LRRC7: variants seen among roughly 807,000 people sequenced by gnomAD.
LRRC7 encodes the protein leucine rich repeat containing 7.
A neutral mutation model predicts 175.7 loss-of-function variants in LRRC7; 23 were observed. That is an observed-to-expected ratio of 0.13 (90% CI 0.09 to 0.19). LRRC7 has a LOEUF of 0.19. Ranked by LOEUF, LRRC7 falls within the 10% of genes least tolerant of loss-of-function variation. The probability of loss-of-function intolerance (pLI) is 1.00; values close to 1 mark genes in which losing one functional copy is unlikely to be tolerated. For synonymous variants in LRRC7, 685 were observed against 680.9 expected (o/e 1.01, Z -0.09); for missense variants, 1,354 against 1,904.7 (o/e 0.71, Z 5.38).
At chr1:69,731,209 A>G (rs1354000631) in intron 2 of LRRC7, among the ~76,000 whole-genome samples, 2 of 152,064 alleles carry the variant, frequency 1.3e-5, no homozygotes, top group East Asian at 1.9e-4. Context: ...GGCTGAGGCT[A>G]GAGAATGGTG....
At chr1:69,691,797 CAAAAAAAAAAAAA>C (rs57676937) in intron 2 of LRRC7, among the ~76,000 whole-genome samples, 2 of 85,212 alleles carry the variant, frequency 2.3e-5, no homozygotes, top group Admixed American at 1.4e-4. Context: ...GACCCTGTCT[CAAAAAAAAAAAAA>C]AAAAAAAAAA....
intron 4 of LRRC7, among the ~76,000 whole-genome samples, chr1:69,809,040 A>G (rs1180691612): frequency 6.6e-6 from 1 of 152,196 alleles, no homozygotes; most frequent in Non-Finnish European, 1.5e-5. Flanking sequence ...AGACTAATAA[A>G]GAAGAAAGAG....
intron 7 of LRRC7, among the ~76,000 whole-genome samples, chr1:69,906,002 T>C (rs1287020316): frequency 6.6e-6 from 1 of 152,270 alleles, no homozygotes; most frequent in African/African-American, 2.4e-5. Context: ...ATTTCTCTGA[T>C]GGCCAGTGAT....
intron 1 of LRRC7, among the ~76,000 whole-genome samples, chr1:69,675,865 G>A (rs227103): frequency 0.73 from 110,612 of 151,866 alleles, 40,642 homozygotes; most frequent in African/African-American, 0.8. Context: ...GTTTCCTGTC[G>A]CTGTATTATC....
intron 2 of LRRC7, among the ~76,000 whole-genome samples, chr1:69,742,074 TTA>T (rs1356528376): frequency 2.0e-5 from 3 of 152,028 alleles, no homozygotes; most frequent in Non-Finnish European, 4.4e-5. Flanking sequence ...GTGTGTGTTT[TTA>T]TGTGAGTTAT....
chr1:70,061,069 G>A (rs1661540353), intron 23 of LRRC7, among the ~76,000 whole-genome samples: 1 of 150,192 alleles, frequency 6.7e-6, no homozygotes, highest in Non-Finnish European at 1.5e-5. Flanking sequence ...AGCCTCATAA[G>A]CAAATGAGAA....
chr1:69,665,147 C>T lies in LRRC7; in HGVS notation c.3-13234C>T, dbSNP rs60684071. Among the ~76,000 whole-genome samples, 3,257 of 152,190 alleles carry T rather than the reference C, an allele frequency of 0.021. 318 individuals carry two copies. The East Asian group carries it at 0.33, about 16-fold the overall frequency. On this transcript the variant is annotated intron_variant, in intron 1 of 26. Coordinates refer to ENST00000651989, the MANE Select transcript of LRRC7 (RefSeq NM_001370785.2). The stretch of plus-strand genomic sequence containing the variant: ...TGGATTTATCTCTGGGTTCTCCATT[C>T]TGTTACACTGATCTATATGTCTGTT...
intron 25 of LRRC7, among the ~76,000 whole-genome samples, chr1:70,101,860 T>C (rs1340997208): frequency 6.6e-6 from 1 of 152,234 alleles, no homozygotes; most frequent in African/African-American, 2.4e-5. Flanking sequence ...GGAGTCCCTC[T>C]GTGATGCATG....
chr1:69,603,160 T>C (rs1011972770), intron 1 of LRRC7, among the ~76,000 whole-genome samples: 2 of 152,196 alleles, frequency 1.3e-5, no homozygotes, highest in African/African-American at 4.8e-5. Flanking sequence ...TGGATACTTA[T>C]GATTGGATTC....
At chr1:69,905,923 T>C (rs1012733875) in intron 7 of LRRC7, among the ~76,000 whole-genome samples, 21 of 152,344 alleles carry the variant, frequency 1.4e-4, no homozygotes, top group African/African-American at 4.8e-4. Flanking sequence ...GCACCTGTTG[T>C]TTCCTGACTT....
intron 2 of LRRC7, among the ~76,000 whole-genome samples, chr1:69,725,229 A>G (rs1666817935): frequency 6.6e-6 from 1 of 152,136 alleles, no homozygotes; most frequent in Non-Finnish European, 1.5e-5. Context: ...AAAGGTCTTC[A>G]TCCTTGTCTT....
intron 7 of LRRC7, among the ~76,000 whole-genome samples, chr1:69,911,183 G>A (rs1024443048): frequency 1.3e-4 from 19 of 151,606 alleles, no homozygotes; most frequent in African/African-American, 3.4e-4. Flanking sequence ...GCTTCGGCTC[G>A]CGCACGGTGC....
intron 1 of LRRC7, among the ~76,000 whole-genome samples, chr1:69,664,073 A>G (rs1657921152): frequency 6.6e-6 from 1 of 152,050 alleles, no homozygotes; most frequent in African/African-American, 2.4e-5. Context: ...TCTGTGCCTG[A>G]CTTATTTCAC....
chr1:69,969,448 G>A (rs545953539), intron 8 of LRRC7, among the ~76,000 whole-genome samples: 1 of 152,242 alleles, frequency 6.6e-6, no homozygotes, highest in African/African-American at 2.4e-5. Flanking sequence ...GACACCCCAT[G>A]CAAATGGACA....
intron 24 of LRRC7, among the ~76,000 whole-genome samples, chr1:70,086,078 T>C (rs970012850): frequency 6.6e-5 from 10 of 152,142 alleles, no homozygotes; most frequent in African/African-American, 2.4e-4. Flanking sequence ...TACTTTTTAT[T>C]AAGGAAGGCA....
At chr1:70,076,027 C>T in intron 23 of LRRC7, 50 bp from the exon 24 acceptor site, 2 of 1,596,530 alleles carry the variant, frequency 1.3e-6, no homozygotes, top group Non-Finnish European at 1.7e-6. Context: ...ACTTTAATCA[C>T]ATCCTTTCAG....
Position 70,136,427 on chromosome 1 carries a change from T to C in LRRC7, c.*14540T>C, listed in dbSNP as rs979374526. 6.6e-6 allele frequency among the ~76,000 whole-genome samples: 1 copy of C among 152,120 alleles called. No individual in the cohort carries two copies. Among genetic ancestry groups the C allele is most frequent in the Non-Finnish European group, 1.5e-5 (1 of 68,016 alleles). ...TATATGTTTATCCTTTTTTAAAAAA[T>C]TATTTAACTGTTAAAACAATTTGCC... On this transcript the variant is annotated 3_prime_UTR_variant, in exon 27 of 27. Transcript: ENST00000651989.
At chr1:69,987,152 G>A (rs1557960429) in intron 10 of LRRC7, among the ~76,000 whole-genome samples, 1 of 152,202 alleles carries the variant, frequency 6.6e-6, no homozygotes, top group Non-Finnish European at 1.5e-5. Context: ...GGCTGAGGCA[G>A]GAGAATCGCT....
intron 7 of LRRC7, among the ~76,000 whole-genome samples, chr1:69,905,860 T>G (rs1168847813): frequency 6.6e-6 from 1 of 152,218 alleles, no homozygotes; most frequent in Non-Finnish European, 1.5e-5. Context: ...TTGAACTAGT[T>G]TACAGTCCCA....
Sources: gnomAD v4.1 joint callset for allele counts (sites outside exome capture counted in the v4.1 genomes callset) on GRCh38, gnomAD v4.1.1 for gene constraint, MANE v1.5 for transcripts, NCBI Gene and HGNC (gene_info 2026-07-23, HGNC 2026-07-21) for gene names.